The following PRPF4 variants were observed in gnomAD, a reference collection of about 807,000 sequenced individuals.
PRPF4 encodes pre-mRNA splicing tri-snRNP complex factor PRPF4, also known as U4/U6 small nuclear ribonucleoprotein Prp4.
Under a neutral mutation model 72.2 loss-of-function variants are expected in PRPF4, and 14 were observed. The observed-to-expected ratio is 0.19, with a 90% confidence interval of 0.13 to 0.30. PRPF4 has a LOEUF of 0.30. PRPF4 is among the 10% of genes least tolerant of loss of function. PRPF4 has a pLI of 1.00. For synonymous variants in PRPF4, 225 were observed against 232.2 expected (o/e 0.97, Z 0.28); for missense variants, 478 against 653.9 (o/e 0.73, Z 2.93).
rs1188457469 is a variant in PRPF4 at position 113,288,388 on chromosome 9, GA to G, written c.1022+126del. On this transcript the variant is annotated intron_variant, in intron 10 of 13. Transcript: ENST00000374198. ...AGGTAGGATTTTCTTGGGCTGCAGG[GA>G]ATTGGAATCAGAGGAGAATGTTTAA... 4.7e-6 allele frequency: 4 copies of G among 852,988 alleles called. No individual in the cohort carries two copies. In the African/African-American group the frequency reaches 6.9e-5, roughly 15 times the overall value. The allele number at this position is 852,988 out of a possible 1,614,324, so 52.8% of individuals were successfully genotyped here.
intron 6 of PRPF4, 70 bp from the exon 7 acceptor site, chr9:113,284,225 T>G: frequency 8.4e-7 from 1 of 1,194,822 alleles, no homozygotes. Context: ...CTTTTTATGG[T>G]GGAAAAGCAA....
intron 9 of PRPF4, 46 bp downstream of exon 9, chr9:113,286,874 A>T: frequency 6.2e-7 from 1 of 1,612,790 alleles, no homozygotes; most frequent in South Asian, 1.1e-5. Context: ...ACTAAAGTAG[A>T]TGTTTGATTG....
In PRPF4 at chr9:113,276,697, C is replaced by T. The variant is rs552367188; in HGVS notation, c.177C>T (p.Ile59=). 10 of 1,613,404 alleles carry T rather than the reference C, an allele frequency of 6.2e-6. No individual in the cohort carries two copies. The highest frequency in any genetic ancestry group is 4.4e-5 in the South Asian group (4 of 90,984). The part of the protein sequence containing the change: ...ILGKDGLKAG[I]EAGNINITSG... Reference sequence around the variant, plus strand: ...GGAAAGACGGACTTAAAGCAGGGATCGAAGCTGGAAATATTAATATAACCT... The same window carrying T: ...GGAAAGACGGACTTAAAGCAGGGATTGAAGCTGGAAATATTAATATAACCT... The change falls in exon 2 of 14, where the codon ATC becomes ATT. Residue 59 remains isoleucine (I), a synonymous_variant. Coordinates refer to ENST00000374198, the MANE Select transcript of PRPF4 (RefSeq NM_001244926.2).
At chr9:113,279,271 G>A in intron 3 of PRPF4, 140 bp downstream of exon 3, 1 of 783,388 alleles carries the variant, frequency 1.3e-6, no homozygotes. Flanking sequence ...ATATGAGTTA[G>A]CCCATAATCT....
chr9:113,287,478 G>C (rs1482678921), intron 9 of PRPF4, among the ~76,000 whole-genome samples: 1 of 148,760 alleles, frequency 6.7e-6, no homozygotes, highest in East Asian at 2.0e-4. Context: ...TTATGTGATT[G>C]TTTTCCAAAA....
In PRPF4 at chr9:113,292,475, A is replaced by C. The variant is rs1402593538; in HGVS notation, c.*815A>C. 6.6e-6 allele frequency: 1 copy of C among 152,256 alleles called. No homozygotes were observed. The highest frequency in any genetic ancestry group is 1.9e-4 in the East Asian group (1 of 5,188). The allele number at this position is 152,256 out of a possible 1,614,324, so 9.4% of individuals were successfully genotyped here. On this transcript the variant is annotated 3_prime_UTR_variant, in exon 14 of 14. Coordinates refer to ENST00000374198, the MANE Select transcript of PRPF4 (RefSeq NM_001244926.2). ...TTCCCTGGAGAATGGGATGTGAAGC[A>C]GTAGACCGCAGCCACGCCGATGGTT...
chr9:113,283,076 A>T, intron 4 of PRPF4, 56 bp from the exon 5 acceptor site: 1 of 1,612,038 alleles, frequency 6.2e-7, no homozygotes, highest in Non-Finnish European at 8.5e-7. Flanking sequence ...AATGACAGTT[A>T]TAAGAGGAGT....
At chr9:113,279,335 TTTTTGTTTTG>T (rs148026338) in intron 3 of PRPF4, among the ~76,000 whole-genome samples, 15,748 of 150,198 alleles carry the variant, frequency 0.1, 1,096 homozygotes, top group African/African-American at 0.19. Context: ...TGTTTGTTCG[TTTTTGTTTTG>T]TTTTGTTTTG....
chr9:113,285,968 C>T (rs1832438139), intron 7 of PRPF4, among the ~76,000 whole-genome samples: 1 of 152,116 alleles, frequency 6.6e-6, no homozygotes, highest in Non-Finnish European at 1.5e-5. Flanking sequence ...TTTGCCCCAC[C>T]TTCCCTCACA....
chr9:113,278,857 T>C, intron 2 of PRPF4, 88 bp from the exon 3 acceptor site: 1 of 1,310,888 alleles, frequency 7.6e-7, no homozygotes, highest in African/African-American at 1.5e-5. Flanking sequence ...TACTTTTCCC[T>C]CAGGGCATAC....
At chr9:113,278,272 C>G (rs1832174942) in intron 2 of PRPF4, among the ~76,000 whole-genome samples, 1 of 152,218 alleles carries the variant, frequency 6.6e-6, no homozygotes, top group Admixed American at 6.5e-5. Context: ...TGCCAAAGGG[C>G]ATAAAATGAA....
At chr9:113,285,669 C>A (rs1052686468) in intron 7 of PRPF4, among the ~76,000 whole-genome samples, 3 of 151,582 alleles carry the variant, frequency 2.0e-5, no homozygotes, top group Admixed American at 6.6e-5. Flanking sequence ...TGAGCCACAG[C>A]GCCTGGCCCA....
chr9:113,278,443 G>C (rs1461492313), intron 2 of PRPF4, among the ~76,000 whole-genome samples: 2 of 152,190 alleles, frequency 1.3e-5, no homozygotes, highest in Non-Finnish European at 2.9e-5. Flanking sequence ...CTTGTATTTT[G>C]GTGTGGGTTT....
intron 5 of PRPF4, 28 bp downstream of exon 5, chr9:113,283,239 A>C: frequency 6.2e-7 from 1 of 1,614,118 alleles, no homozygotes; most frequent in Non-Finnish European, 8.5e-7. Context: ...TAGAAGAAAG[A>C]AGCATATTTT....
intron 10 of PRPF4, among the ~76,000 whole-genome samples, chr9:113,289,055 C>T (rs1461883091): frequency 6.6e-6 from 1 of 152,220 alleles, no homozygotes. Context: ...CCAACTCCCC[C>T]TTCTAAAGCA....
At chr9:113,280,361 G>A (rs193221054) in intron 3 of PRPF4, among the ~76,000 whole-genome samples, 85 of 152,188 alleles carry the variant, frequency 5.6e-4, no homozygotes, top group African/African-American at 1.9e-3. Flanking sequence ...ATCATTCACT[G>A]TGTGTTCTGA....
chr9:113,286,642 G>C, intron 8 of PRPF4, 63 bp from the exon 9 acceptor site: 1 of 1,585,612 alleles, frequency 6.3e-7, no homozygotes, highest in Admixed American at 1.7e-5. Flanking sequence ...ATGTTCCCTA[G>C]TATATAACAT....
In PRPF4 at chr9:113,284,405, C is replaced by A. The variant is rs138734202; in HGVS notation, c.749+16C>A. The stretch of plus-strand genomic sequence containing the variant: ...CAGCTTGTTGGTAAGTTCCATTTTA[C>A]AATGACATTTTTTCCTAAATGGGGA... On this transcript the variant is annotated intron_variant, in intron 7 of 13. Transcript: ENST00000374198. 4.1e-5 allele frequency: 65 copies of A among 1,584,550 alleles called. 1 individual carries two copies. The East Asian group carries it at 1.4e-3, about 33-fold the overall frequency.
At chr9:113,283,905 T>A (rs915869207) in intron 6 of PRPF4, among the ~76,000 whole-genome samples, 5 of 151,886 alleles carry the variant, frequency 3.3e-5, no homozygotes, top group African/African-American at 1.2e-4. Context: ...CTGTCTCTAC[T>A]AAAAATACAA....
Sources: allele counts gnomAD v4.1 joint callset (sites outside exome capture counted in the v4.1 genomes callset), GRCh38; gene constraint gnomAD v4.1.1; transcripts MANE v1.5; gene names NCBI Gene and HGNC (gene_info 2026-07-23, HGNC 2026-07-21).